Variants in ATXN2 observed in about 807,000 individuals in gnomAD.
ATXN2 encodes the protein ataxin 2.
In ATXN2, 37 loss-of-function variants were observed where a neutral mutation model predicts 138.6. The observed-to-expected ratio is 0.27, with a 90% CI of 0.21 to 0.35. The LOEUF is 0.35. Ranked by LOEUF, ATXN2 falls within the 10% of genes least tolerant of loss-of-function variation. The probability of loss-of-function intolerance (pLI) is 1.00; values close to 1 mark genes in which losing one functional copy is unlikely to be tolerated. For missense variants in ATXN2, 1,216 were observed against 1,480.3 expected, an observed-to-expected ratio of 0.82 and a Z score of 2.93; for synonymous variants, 549 against 543.7, an observed-to-expected ratio of 1.01 and a Z score of -0.13.
intron 1 of ATXN2, among the ~76,000 whole-genome samples, chr12:111,579,642 G>C (rs1883874548): frequency 6.6e-6 from 1 of 150,858 alleles, no homozygotes; most frequent in Non-Finnish European, 1.5e-5. Flanking sequence ...GCATACAATA[G>C]ACTACTACTC....
chr12:111,590,306 T>G (rs949136265), intron 1 of ATXN2, among the ~76,000 whole-genome samples: 1 of 151,830 alleles, frequency 6.6e-6, no homozygotes, highest in African/African-American at 2.4e-5. Flanking sequence ...GAAAAGAAAA[T>G]AGACCTCCTA....
rs191614509 is a variant in ATXN2, at chr12:111,510,482, A to C, written c.1659T>G (p.Gly553=). ...TGGCAACAGCTTCAGTTGGAATAAT[A>C]CCAGCTTGGGGAGAAGCAAGAACTG... ...SGPVLASPQA[G]IIPTEAVAMP... is the part of the protein sequence containing the mutation. Residue 553 remains glycine (G), a synonymous_variant, in exon 12 of 25, where the codon GGT becomes GGG. Transcript: ENST00000673436. 1.2e-6 allele frequency: 2 copies of C among 1,614,168 alleles called. No individual in the cohort carries two copies. Among genetic ancestry groups the C allele is most frequent in the Admixed American group, 3.3e-5 (2 of 60,020 alleles).
chr12:111,470,787 G>C (rs1489637573), intron 18 of ATXN2, 45 bp from the exon 19 acceptor site: 1 of 1,590,534 alleles, frequency 6.3e-7, no homozygotes, highest in Admixed American at 1.7e-5. Flanking sequence ...TATCTCCACA[G>C]CATAATACAT....
In ATXN2 at chr12:111,495,239, C is replaced by T. The variant is rs1170514929; in HGVS notation, c.1936-6459G>A. ...AGGAGAATCGCTTGAACTCAGGAGG[C>T]GGAGGTTGCAGTGAGCTGAGATAGC... On this transcript the variant is annotated intron_variant, in intron 14 of 24. Coordinates refer to ENST00000673436, the MANE Select transcript of ATXN2 (RefSeq NM_001372574.1). 6.2e-5 allele frequency among the ~76,000 whole-genome samples: 9 copies of T among 144,954 alleles called. No homozygotes were observed. In the South Asian group the frequency reaches 6.8e-4, roughly 11 times the overall value.
intron 18 of ATXN2, chr12:111,471,275 AG>A (rs1177572684): frequency 6.5e-6 from 1 of 154,418 alleles, no homozygotes; most frequent in Non-Finnish European, 1.4e-5. Context: ...TCTAAATAAT[AG>A]TTCTTTTAAA....
At chr12:111,509,865 A>T in intron 13 of ATXN2, 26 bp downstream of exon 13, 4 of 1,515,336 alleles carry the variant, frequency 2.6e-6, no homozygotes, top group Non-Finnish European at 3.7e-6. Flanking sequence ...CCTACAGTTA[A>T]GCTTAATGAC....
chr12:111,589,424 G>A (rs1057509774), intron 1 of ATXN2, among the ~76,000 whole-genome samples: 1 of 152,130 alleles, frequency 6.6e-6, no homozygotes, highest in African/African-American at 2.4e-5. Context: ...TTTGAGGTCA[G>A]GAATTCAAGG....
At chr12:111,493,601 A>C (rs1416683766) in intron 14 of ATXN2, among the ~76,000 whole-genome samples, 1 of 151,644 alleles carries the variant, frequency 6.6e-6, no homozygotes, top group Non-Finnish European at 1.5e-5. Flanking sequence ...GAAGAATAAA[A>C]AATGAACCTT....
At chr12:111,541,260 T>G (rs1881486572) in intron 5 of ATXN2, among the ~76,000 whole-genome samples, 1 of 149,892 alleles carries the variant, frequency 6.7e-6, no homozygotes, top group African/African-American at 2.4e-5. Flanking sequence ...CCTCCAGAAT[T>G]AAAGTGCTAT....
intron 6 of ATXN2, among the ~76,000 whole-genome samples, chr12:111,523,839 G>A (rs1217535124): frequency 6.6e-6 from 1 of 151,820 alleles, no homozygotes; most frequent in East Asian, 1.9e-4. Flanking sequence ...GAGGTGGGTG[G>A]ATTACCTGAG....
Position 111,510,385 on chromosome 12 carries a change from C to T in ATXN2, c.1756G>A (p.Ala586Thr), listed in dbSNP as rs780177372. 5.6e-6 allele frequency: 9 copies of T among 1,613,218 alleles called. No homozygotes were observed. Among genetic ancestry groups the T allele is most frequent in the African/African-American group, 1.3e-5 (1 of 74,808 alleles). The change falls in exon 12 of 25, where the codon GCT becomes ACT. Residue 586 changes from alanine to threonine, a missense_variant and splice_region_variant. Coordinates refer to ENST00000673436, the MANE Select transcript of ATXN2 (RefSeq NM_001372574.1). ...GATCCAGAAGCCCTTTGTTACATACCCTCACTAGAAGGGGTAACAGCTCTG... is the reference window on the plus strand; with the variant it reads ...GATCCAGAAGCCCTTTGTTACATACTCTCACTAGAAGGGGTAACAGCTCTG... ...SNRAVTPSSEAKDSRLQDQRQ... is the reference protein window; with the variant it reads ...SNRAVTPSSETKDSRLQDQRQ...
chr12:111,460,529 T>G (rs1004420991), intron 21 of ATXN2, among the ~76,000 whole-genome samples: 2 of 152,110 alleles, frequency 1.3e-5, no homozygotes, highest in African/African-American at 4.8e-5. Flanking sequence ...AAATCCCAAA[T>G]TCTGTTCATG....
At position 111,570,328 on chromosome 12, in the gene ATXN2, CGTT is replaced by C. The variant is rs918466561; in HGVS notation, c.252-14412_252-14410del. Among the ~76,000 whole-genome samples the C allele has an allele frequency of 1.6e-4, 25 of 152,260 alleles. No homozygotes were observed. The East Asian group carries it at 4.0e-3, about 25-fold the overall frequency. On this transcript the variant is annotated intron_variant, in intron 1 of 24. Transcript: ENST00000673436. ...GGAGAGGGGAGTATAGCTGAAACAACGTTGGCCATTTACTGATAACTGCTAAAG... is the reference window on the plus strand; with the variant it reads ...GGAGAGGGGAGTATAGCTGAAACAACGGCCATTTACTGATAACTGCTAAAG...
At chr12:111,525,813 T>C (rs924942368) in intron 5 of ATXN2, among the ~76,000 whole-genome samples, 1 of 151,490 alleles carries the variant, frequency 6.6e-6, no homozygotes, top group Admixed American at 6.6e-5. Context: ...GTCTCCCGAG[T>C]AGCTGGGACT....
At chr12:111,541,346 CTTT>C (rs62932861) in intron 5 of ATXN2, among the ~76,000 whole-genome samples, 18 of 67,428 alleles carry the variant, frequency 2.7e-4, no homozygotes, top group African/African-American at 3.6e-4. Flanking sequence ...AGTTATAATT[CTTT>C]TTTTTTTTTT....
chr12:111,481,041 G>A (rs1449786110), intron 18 of ATXN2, among the ~76,000 whole-genome samples: 1 of 152,204 alleles, frequency 6.6e-6, no homozygotes, highest in Admixed American at 6.5e-5. Flanking sequence ...AGGGCATGGT[G>A]GTTCGCGTCT....
intron 14 of ATXN2, among the ~76,000 whole-genome samples, chr12:111,498,851 A>T (rs112165664): frequency 3.9e-5 from 6 of 152,334 alleles, no homozygotes; most frequent in African/African-American, 1.2e-4. Context: ...ATAAAAAAAG[A>T]TATAGATCAA....
At chr12:111,588,864 G>A (rs527752653) in intron 1 of ATXN2, among the ~76,000 whole-genome samples, 3 of 149,258 alleles carry the variant, frequency 2.0e-5, no homozygotes, top group South Asian at 4.3e-4. Context: ...GCATGGTGGC[G>A]GGCGCATGTA....
intron 5 of ATXN2, among the ~76,000 whole-genome samples, chr12:111,547,340 T>C (rs999306214): frequency 6.6e-6 from 1 of 152,040 alleles, no homozygotes; most frequent in African/African-American, 2.4e-5. Flanking sequence ...GGCAGAAGAA[T>C]TGCTTGAACC....
Sources: gnomAD v4.1 joint callset for allele counts (sites outside exome capture counted in the v4.1 genomes callset) on GRCh38, gnomAD v4.1.1 for gene constraint, MANE v1.5 for transcripts, NCBI Gene and HGNC (gene_info 2026-07-23, HGNC 2026-07-21) for gene names.